The following CFAP107 variants were observed in gnomAD, a reference collection of about 807,000 sequenced individuals.
CFAP107 encodes cilia- and flagella-associated protein 107.
At chr1:12,762,226 C>T in the CFAP107 span, 2,858 of 126,128 alleles carry the variant, frequency 0.023, no homozygotes, top group Middle Eastern at 0.049. Flanking sequence ...CATGTAAGGA[C>T]GCTGTCTTCC....
the CFAP107 span, among the ~76,000 whole-genome samples, chr1:12,748,947 G>A: frequency 4.6e-5 from 7 of 152,040 alleles, no homozygotes; most frequent in Admixed American, 4.6e-4. Flanking sequence ...TTCAATAGAG[G>A]GATTCAGCAG....
the CFAP107 span, chr1:12,759,314 T>TAC: frequency 6.2e-7 from 1 of 1,613,660 alleles, no homozygotes; most frequent in Non-Finnish European, 8.5e-7. Flanking sequence ...TTCCAGGGGC[T>TAC]ACCTTACAAA....
the CFAP107 span, among the ~76,000 whole-genome samples, chr1:12,758,185 C>T: frequency 6.6e-6 from 1 of 150,968 alleles, no homozygotes; most frequent in African/African-American, 2.5e-5. Flanking sequence ...CATGGCGTGC[C>T]CTTCCTCTTG....
chr1:12,759,606 G>C, the CFAP107 span: 1 of 1,162,144 alleles, frequency 8.6e-7, no homozygotes. Flanking sequence ...CAGGAGAGCA[G>C]CGGATGACAT....
chr1:12,759,615 A>G, the CFAP107 span: 5 of 1,051,134 alleles, frequency 4.8e-6, no homozygotes, highest in Admixed American at 5.8e-5. Context: ...AGCGGATGAC[A>G]TAGTAGGGGC....
At chr1:12,762,972 A>T in the CFAP107 span, 1 of 152,222 alleles carries the variant, frequency 6.6e-6, no homozygotes, top group Non-Finnish European at 1.5e-5. Flanking sequence ...GGATCACCTG[A>T]GGTCAGGAGT....
At chr1:12,760,537 C>T in the CFAP107 span, among the ~76,000 whole-genome samples, 1 of 152,226 alleles carries the variant, frequency 6.6e-6, no homozygotes, top group Admixed American at 6.5e-5. Flanking sequence ...GTGGCAGAGC[C>T]TGATCTCCCC....
chr1:12,758,888 A>G, the CFAP107 span, among the ~76,000 whole-genome samples: 1 of 152,164 alleles, frequency 6.6e-6, no homozygotes, highest in East Asian at 1.9e-4. Flanking sequence ...TAAGGCATAC[A>G]TGTCAGGCTG....
chr1:12,760,749 G>T, the CFAP107 span: 5 of 1,608,920 alleles, frequency 3.1e-6, no homozygotes, highest in Non-Finnish European at 4.2e-6. Context: ...CCATTCAACT[G>T]GACCCTGGTT....
the CFAP107 span, among the ~76,000 whole-genome samples, chr1:12,747,912 G>A: frequency 6.6e-6 from 1 of 152,142 alleles, no homozygotes; most frequent in African/African-American, 2.4e-5. Flanking sequence ...GAAGCTCCAG[G>A]TTCTCATTCC....
the CFAP107 span, among the ~76,000 whole-genome samples, chr1:12,748,466 A>C: frequency 6.6e-6 from 1 of 151,368 alleles, no homozygotes; most frequent in African/African-American, 2.4e-5. Context: ...GGAATTAAAA[A>C]AAAAAAAAAA....
At chr1:12,748,575 TGCTA>T in the CFAP107 span, among the ~76,000 whole-genome samples, 1 of 151,844 alleles carries the variant, frequency 6.6e-6, no homozygotes, top group Admixed American at 6.6e-5. Context: ...GAACATTACC[TGCTA>T]GTTAGAAAAG....
the CFAP107 span, among the ~76,000 whole-genome samples, chr1:12,756,834 T>C: frequency 1.3e-5 from 2 of 152,188 alleles, no homozygotes; most frequent in Non-Finnish European, 2.9e-5. Flanking sequence ...TTGTTAGGGA[T>C]GAAGCAAGTT....
chr1:12,757,495 G>T, the CFAP107 span, among the ~76,000 whole-genome samples: 4 of 151,506 alleles, frequency 2.6e-5, no homozygotes, highest in Non-Finnish European at 5.9e-5. Context: ...AATTCTCCTT[G>T]CCTCAGCCTT....
At chr1:12,751,087 T>C in the CFAP107 span, among the ~76,000 whole-genome samples, 9 of 151,618 alleles carry the variant, frequency 5.9e-5, no homozygotes, top group Admixed American at 5.2e-4. Flanking sequence ...AATTAAAAAA[T>C]AGTAATGAAA....
At chr1:12,750,690 C>T in the CFAP107 span, among the ~76,000 whole-genome samples, 3 of 152,070 alleles carry the variant, frequency 2.0e-5, no homozygotes, top group Admixed American at 6.6e-5. Context: ...TAGTTACACA[C>T]ATGTACACAC....
At chr1:12,761,069 G>GTGCTC in the CFAP107 span, 2 of 1,013,412 alleles carry the variant, frequency 2.0e-6, no homozygotes, top group Admixed American at 5.6e-5. Flanking sequence ...CCCGTCAAAG[G>GTGCTC]TGCTCTCAGA....
At chr1:12,748,479 A>AC in the CFAP107 span, among the ~76,000 whole-genome samples, 1 of 151,846 alleles carries the variant, frequency 6.6e-6, no homozygotes, top group East Asian at 1.9e-4. Flanking sequence ...AAAAAAAAAA[A>AC]ACCACACACA....
chr1:12,757,098 G>A, the CFAP107 span, among the ~76,000 whole-genome samples: 9 of 152,162 alleles, frequency 5.9e-5, no homozygotes, highest in Non-Finnish European at 1.0e-4. Flanking sequence ...ACATAAACAA[G>A]TCAAAGTTAG....
Sources: allele counts gnomAD v4.1 joint callset (sites outside exome capture counted in the v4.1 genomes callset), GRCh38; gene constraint gnomAD v4.1.1; transcripts MANE v1.5; gene names NCBI Gene and HGNC (gene_info 2026-07-23, HGNC 2026-07-21).